The following DSCAM variants were observed in gnomAD, a reference collection of about 807,000 sequenced individuals.
DSCAM encodes cell adhesion molecule DSCAM.
Under a neutral mutation model 217.7 loss-of-function variants are expected in DSCAM, and 47 were observed. The observed-to-expected ratio is 0.22, with a 90% confidence interval of 0.17 to 0.28. The LOEUF (loss-of-function observed/expected upper bound fraction) is 0.28, where lower values mean the gene tolerates loss of function less well. DSCAM is among the 10% of genes least tolerant of loss of function. The pLI is 1.00. For synonymous variants in DSCAM, 1,056 were observed against 1,015.3 expected, an observed-to-expected ratio of 1.04 and a Z score of -0.76; for missense variants, 2,080 against 2,618.3, an observed-to-expected ratio of 0.79 and a Z score of 4.49.
intron 3 of DSCAM, among the ~76,000 whole-genome samples, chr21:40,584,439 C>A (rs555956215): frequency 1.3e-5 from 2 of 152,268 alleles, no homozygotes; most frequent in Non-Finnish European, 1.5e-5. Flanking sequence ...TCAGAAGCGT[C>A]GGCAGCAGGG....
chr21:40,109,242 T>G (rs554859486), intron 20 of DSCAM, among the ~76,000 whole-genome samples: 1 of 152,248 alleles, frequency 6.6e-6, no homozygotes, highest in Non-Finnish European at 1.5e-5. Flanking sequence ...TTTTGCAAAC[T>G]ATGCATCTGA....
At chr21:40,332,235 T>C (rs2074384971) in intron 8 of DSCAM, among the ~76,000 whole-genome samples, 1 of 152,204 alleles carries the variant, frequency 6.6e-6, no homozygotes, top group Non-Finnish European at 1.5e-5. Context: ...CCTGGGTTCT[T>C]TGTATTCATT....
chr21:40,775,159 C>T (rs529894461), intron 1 of DSCAM, among the ~76,000 whole-genome samples: 12 of 151,958 alleles, frequency 7.9e-5, no homozygotes, highest in Non-Finnish European at 1.5e-4. Context: ...TCCCTAAAGC[C>T]TAAAATCCCT....
intron 9 of DSCAM, among the ~76,000 whole-genome samples, chr21:40,298,361 G>C (rs545841966): frequency 6.6e-6 from 1 of 151,922 alleles, no homozygotes. Flanking sequence ...GATTACAGGC[G>C]TGAGCCACTG....
intron 3 of DSCAM, among the ~76,000 whole-genome samples, chr21:40,447,572 C>T (rs1200498865): frequency 6.6e-6 from 1 of 152,180 alleles, no homozygotes; most frequent in African/African-American, 2.4e-5. Flanking sequence ...AAGACTGATT[C>T]TAATTTACAC....
At chr21:40,818,238 T>A (rs1368936130) in intron 1 of DSCAM, among the ~76,000 whole-genome samples, 1 of 149,854 alleles carries the variant, frequency 6.7e-6, no homozygotes, top group Non-Finnish European at 1.5e-5. Flanking sequence ...CGATGTGTTG[T>A]TTTCTTTTTA....
intron 5 of DSCAM, among the ~76,000 whole-genome samples, chr21:40,349,087 A>C (rs2074599139): frequency 7.3e-6 from 1 of 137,900 alleles, no homozygotes; most frequent in South Asian, 2.5e-4. Flanking sequence ...CAGTGAGCTG[A>C]GATGGCGCCA....
intron 3 of DSCAM, among the ~76,000 whole-genome samples, chr21:40,404,701 G>T (rs1037257592): frequency 6.6e-6 from 1 of 152,192 alleles, no homozygotes. Context: ...CAGGCTCCAG[G>T]CCAGGGGTTG....
intron 1 of DSCAM, among the ~76,000 whole-genome samples, chr21:40,788,599 G>C (rs1340917491): frequency 3.9e-5 from 6 of 152,298 alleles, no homozygotes; most frequent in Admixed American, 6.5e-5. Context: ...AGGTAGTAAT[G>C]TTAGGTAACT....
At chr21:40,342,069 A>G (rs1357184162) in intron 6 of DSCAM, among the ~76,000 whole-genome samples, 1 of 152,130 alleles carries the variant, frequency 6.6e-6, no homozygotes, top group Non-Finnish European at 1.5e-5. Context: ...TTATGTGCCT[A>G]TTGGCCATCC....
intron 3 of DSCAM, among the ~76,000 whole-genome samples, chr21:40,583,668 T>G (rs1230806701): frequency 6.6e-6 from 1 of 152,200 alleles, no homozygotes; most frequent in East Asian, 1.9e-4. Context: ...TCCTTGAGTC[T>G]TTCAAATATT....
chr21:40,517,423 A>T (rs920273299), intron 3 of DSCAM, among the ~76,000 whole-genome samples: 4 of 151,388 alleles, frequency 2.6e-5, no homozygotes, highest in African/African-American at 9.7e-5. Flanking sequence ...ACACACACAC[A>T]CACACACACA....
intron 1 of DSCAM, among the ~76,000 whole-genome samples, chr21:40,812,853 G>A (rs956760592): frequency 6.6e-6 from 1 of 152,218 alleles, no homozygotes; most frequent in Non-Finnish European, 1.5e-5. Context: ...AAAGTGGGAA[G>A]TTGGAAGCCA....
intron 3 of DSCAM, among the ~76,000 whole-genome samples, chr21:40,425,492 T>G (rs2075464024): frequency 6.6e-6 from 1 of 151,544 alleles, no homozygotes; most frequent in Admixed American, 6.6e-5. Context: ...ACCTTAGAAC[T>G]TAAAGTATAA....
intron 20 of DSCAM, among the ~76,000 whole-genome samples, chr21:40,113,350 C>A (rs887891919): frequency 1.3e-5 from 2 of 152,010 alleles, no homozygotes; most frequent in African/African-American, 4.8e-5. Flanking sequence ...AGGCCTTTGA[C>A]AAAATTCAAC....
At chr21:40,813,640 T>C (rs567545963) in intron 1 of DSCAM, among the ~76,000 whole-genome samples, 159 of 151,264 alleles carry the variant, frequency 1.1e-3, no homozygotes, top group African/African-American at 3.8e-3. Context: ...CTTTCTTTCT[T>C]TCTTGTTTTT....
intron 1 of DSCAM, among the ~76,000 whole-genome samples, chr21:40,824,164 G>A (rs964537843): frequency 5.9e-5 from 9 of 151,946 alleles, no homozygotes; most frequent in Non-Finnish European, 7.4e-5. Context: ...GTACCCAGCC[G>A]CCATCACTGT....
intron 3 of DSCAM, among the ~76,000 whole-genome samples, chr21:40,674,794 G>A (rs1466103231): frequency 6.6e-6 from 1 of 151,774 alleles, no homozygotes; most frequent in East Asian, 1.9e-4. Flanking sequence ...CACCACGCCC[G>A]GCTAATCTTT....
At chr21:40,579,957 G>A (rs1485927239) in intron 3 of DSCAM, among the ~76,000 whole-genome samples, 4 of 152,150 alleles carry the variant, frequency 2.6e-5, no homozygotes, top group Non-Finnish European at 5.9e-5. Context: ...CTGATGGTCA[G>A]GCCTCTCTCC....
Sources: allele counts gnomAD v4.1 joint callset (sites outside exome capture counted in the v4.1 genomes callset), GRCh38; gene constraint gnomAD v4.1.1; transcripts MANE v1.5; gene names NCBI Gene and HGNC (gene_info 2026-07-23, HGNC 2026-07-21).